Variants in CEP112 observed in about 807,000 individuals in gnomAD.
CEP112 encodes the protein centrosomal protein 112, also known as centrosomal protein of 112 kDa.
In CEP112, 127 loss-of-function variants were observed where a neutral mutation model predicts 153.0. The ratio of observed to expected loss-of-function variants is 0.83; its 90% CI spans 0.72 to 0.96. CEP112 has a LOEUF of 0.96. Among genes scored for constraint, CEP112 ranks in the 40% least tolerant of loss-of-function variants. CEP112 has a pLI of 0.00. For synonymous variants in CEP112, 358 were observed against 374.4 expected (o/e 0.96, Z 0.51); for missense variants, 1,089 against 1,101.2 (o/e 0.99, Z 0.16).
At chr17:66,050,597 T>G (rs922086161) in intron 12 of CEP112, among the ~76,000 whole-genome samples, 5 of 152,196 alleles carry the variant, frequency 3.3e-5, no homozygotes, top group African/African-American at 1.2e-4. Flanking sequence ...TTATCAAATA[T>G]CTACAAAATT....
chr17:65,692,438 AG>A (rs2048157637), intron 23 of CEP112, among the ~76,000 whole-genome samples: 1 of 152,104 alleles, frequency 6.6e-6, no homozygotes, highest in Non-Finnish European at 1.5e-5. Context: ...CATGTTAGCC[AG>A]GATGGTCTCG....
At chr17:65,735,053 C>T (rs1251187306) in intron 23 of CEP112, among the ~76,000 whole-genome samples, 6 of 152,134 alleles carry the variant, frequency 3.9e-5, no homozygotes, top group Non-Finnish European at 5.9e-5. Flanking sequence ...CCCCTTTCTT[C>T]CCATTCACAT....
At chr17:65,705,489 G>T (rs1328206639) in intron 23 of CEP112, among the ~76,000 whole-genome samples, 4 of 152,292 alleles carry the variant, frequency 2.6e-5, no homozygotes, top group African/African-American at 9.6e-5. Flanking sequence ...ACCTTTTACG[G>T]CACTTACATT....
intron 18 of CEP112, among the ~76,000 whole-genome samples, chr17:65,940,541 G>C (rs1365380903): frequency 1.3e-5 from 2 of 152,156 alleles, no homozygotes; most frequent in Non-Finnish European, 2.9e-5. Flanking sequence ...ATATATCTTG[G>C]AATACTATTC....
intron 6 of CEP112, among the ~76,000 whole-genome samples, chr17:66,127,407 G>C (rs930918808): frequency 3.3e-5 from 5 of 152,122 alleles, no homozygotes; most frequent in African/African-American, 1.2e-4. Flanking sequence ...CTGGTAACAG[G>C]ACTTGCCTCC....
rs1008487394 is a variant in CEP112, at chr17:65,913,943, T to C, written c.1981-11609A>G. ...CAATTATCCTGAGTTTTTAAAACTT[T>C]TTGAAAAATGAGCTATTACTTTCTG... On this transcript the variant is annotated intron_variant, in intron 19 of 26. Coordinates refer to ENST00000535342, the MANE Select transcript of CEP112 (RefSeq NM_001199165.4). The C allele has an allele frequency of 3.8e-5, 34 of 885,436 alleles. No individual in the cohort carries two copies. In the African/African-American group the frequency reaches 5.8e-4, roughly 15 times the overall value. The allele number at this position is 885,436 out of a possible 1,614,324, so 54.8% of individuals were successfully genotyped here.
intron 6 of CEP112, among the ~76,000 whole-genome samples, chr17:66,125,255 T>C (rs1281239960): frequency 6.6e-6 from 1 of 152,210 alleles, no homozygotes; most frequent in East Asian, 1.9e-4. Flanking sequence ...TGTCCTAGTC[T>C]CAAAATCTGA....
chr17:65,893,245 A>G (rs2059538903), intron 20 of CEP112, among the ~76,000 whole-genome samples: 1 of 152,158 alleles, frequency 6.6e-6, no homozygotes, highest in African/African-American at 2.4e-5. Flanking sequence ...TCCAGGTCAC[A>G]TCATTCAGCA....
At chr17:65,943,903 T>C (rs555896998) in intron 18 of CEP112, among the ~76,000 whole-genome samples, 26 of 152,322 alleles carry the variant, frequency 1.7e-4, no homozygotes, top group African/African-American at 6.3e-4. Flanking sequence ...GAGGTGTTGT[T>C]CATTTATTTT....
chr17:66,177,329 G>C (rs1476472265), intron 2 of CEP112, among the ~76,000 whole-genome samples: 1 of 152,170 alleles, frequency 6.6e-6, no homozygotes, highest in Non-Finnish European at 1.5e-5. Context: ...CTAACTCCTG[G>C]TCTACAATTT....
chr17:66,174,955 T>C (rs2072407300), intron 4 of CEP112, 89 bp downstream of exon 4: 1 of 911,908 alleles, frequency 1.1e-6, no homozygotes, highest in East Asian at 2.9e-5. Context: ...ACTTCCATTA[T>C]AAAAAAAAGG....
chr17:65,653,293 CA>C (rs1212932097), intron 24 of CEP112, among the ~76,000 whole-genome samples: 1 of 152,210 alleles, frequency 6.6e-6, no homozygotes, highest in Non-Finnish European at 1.5e-5. Flanking sequence ...GATCTCAGCT[CA>C]AAACTCTCTT....
At chr17:65,996,783 C>T (rs1484862995) in intron 17 of CEP112, among the ~76,000 whole-genome samples, 2 of 152,040 alleles carry the variant, frequency 1.3e-5, no homozygotes, top group Non-Finnish European at 2.9e-5. Context: ...AATAAGTATG[C>T]TAAAATCAGA....
chr17:66,186,165 C>G (rs927930262), intron 1 of CEP112, among the ~76,000 whole-genome samples: 3 of 152,154 alleles, frequency 2.0e-5, no homozygotes, highest in Non-Finnish European at 2.9e-5. Flanking sequence ...CTCTTCCTCC[C>G]TCAGCCCCAA....
intron 23 of CEP112, among the ~76,000 whole-genome samples, chr17:65,729,194 A>G (rs1026760950): frequency 6.6e-6 from 1 of 152,160 alleles, no homozygotes; most frequent in African/African-American, 2.4e-5. Flanking sequence ...TGTTAAAAAT[A>G]AGACAAAAAC....
intron 21 of CEP112, among the ~76,000 whole-genome samples, chr17:65,846,179 C>T (rs576730154): frequency 3.9e-5 from 6 of 152,190 alleles, no homozygotes; most frequent in African/African-American, 1.2e-4. Context: ...TATTTAAATA[C>T]GATAAAAACA....
At chr17:65,910,795 A>T (rs2060255539) in intron 19 of CEP112, among the ~76,000 whole-genome samples, 3 of 152,324 alleles carry the variant, frequency 2.0e-5, no homozygotes, top group Non-Finnish European at 1.5e-5. Flanking sequence ...CCTAAAATGA[A>T]TGAAGAGATA....
intron 4 of CEP112, among the ~76,000 whole-genome samples, chr17:66,165,046 G>T (rs1032768401): frequency 5.3e-5 from 8 of 150,952 alleles, no homozygotes; most frequent in African/African-American, 1.7e-4. Context: ...CCCGTGAAAT[G>T]CAAGTAAGCA....
chr17:65,869,778 G>C (rs2058594199), intron 20 of CEP112, among the ~76,000 whole-genome samples: 1 of 151,484 alleles, frequency 6.6e-6, no homozygotes, highest in Admixed American at 6.6e-5. Flanking sequence ...GTAGAGACAG[G>C]GTTTCACCGT....
Sources: allele counts gnomAD v4.1 joint callset (sites outside exome capture counted in the v4.1 genomes callset), GRCh38; gene constraint gnomAD v4.1.1; transcripts MANE v1.5; gene names NCBI Gene and HGNC (gene_info 2026-07-23, HGNC 2026-07-21).